NFYC: variants seen among roughly 807,000 people sequenced by gnomAD.
NFYC encodes CAAT box DNA-binding protein subunit C.
NFYC carries 25 observed loss-of-function variants against 53.1 expected under a neutral mutation model. The observed-to-expected ratio is 0.47, with a 90% CI of 0.34 to 0.66. The LOEUF is 0.66. Ranked by LOEUF, NFYC falls within the 30% of genes least tolerant of loss-of-function variation. NFYC has a pLI of 0.01. For missense variants in NFYC, 260 were observed against 422.7 expected, an observed-to-expected ratio of 0.62 and a Z score of 3.38; for synonymous variants, 145 against 152.6, an observed-to-expected ratio of 0.95 and a Z score of 0.37.
At chr1:40,707,908 T>A (rs1169975356) in intron 1 of NFYC, among the ~76,000 whole-genome samples, 1 of 151,358 alleles carries the variant, frequency 6.6e-6, no homozygotes, top group Non-Finnish European at 1.5e-5. Context: ...AATGTCAAAC[T>A]CTGTGACTGC....
At chr1:40,704,723 C>G (rs1304674201) in intron 1 of NFYC, among the ~76,000 whole-genome samples, 1 of 152,148 alleles carries the variant, frequency 6.6e-6, no homozygotes, top group Non-Finnish European at 1.5e-5. Context: ...TCTGGTACAT[C>G]CGAAGCAGAG....
At chr1:40,754,165 C>T (rs563922814) in intron 5 of NFYC, among the ~76,000 whole-genome samples, 1 of 152,180 alleles carries the variant, frequency 6.6e-6, no homozygotes, top group Non-Finnish European at 1.5e-5. Context: ...TCCTTAGAAG[C>T]AGTCATTCAG....
chr1:40,735,482 T>A (rs1390055633), intron 1 of NFYC: 2 of 597,070 alleles, frequency 3.3e-6, no homozygotes, highest in East Asian at 2.9e-4. Flanking sequence ...AGTTCAAAAT[T>A]TAAAAGCAGA....
At chr1:40,740,920 T>A (rs1052656725) in intron 2 of NFYC, among the ~76,000 whole-genome samples, 3 of 151,846 alleles carry the variant, frequency 2.0e-5, no homozygotes, top group African/African-American at 7.3e-5. Context: ...TTGTTGGACT[T>A]TGATTTTTTT....
chr1:40,760,486 C>T (rs967086646), intron 6 of NFYC, among the ~76,000 whole-genome samples: 13 of 152,114 alleles, frequency 8.5e-5, no homozygotes, highest in African/African-American at 2.4e-4. Flanking sequence ...TTTGGGAGGC[C>T]GAGGTGGGCG....
chr1:40,761,926 C>T (rs1411199275), intron 6 of NFYC, among the ~76,000 whole-genome samples: 2 of 151,958 alleles, frequency 1.3e-5, no homozygotes, highest in Non-Finnish European at 2.9e-5. Context: ...CCCACACCCC[C>T]GCCACCCCCC....
rs1646968446 is a variant in NFYC at position 40,769,222 on chromosome 1, A to T, written c.829-134A>T. On this transcript the variant is annotated intron_variant, in intron 8 of 9. Transcript: ENST00000447388. ...GATTAGGAGGGGTGCTTGCTTGCTT[A>T]CTACCCATTGAGCACCTGCTGGGCA... The T allele has an allele frequency of 1.0e-5, 8 of 803,428 alleles. No homozygotes were observed. In the Admixed American group the frequency reaches 1.4e-4, roughly 15 times the overall value. The allele number at this position is 803,428 out of a possible 1,614,324, so 49.8% of individuals were successfully genotyped here.
chr1:40,747,841 G>GT (rs1227259090), intron 3 of NFYC, among the ~76,000 whole-genome samples: 2,280 of 136,904 alleles, frequency 0.017, 23 homozygotes, highest in African/African-American at 0.031. Flanking sequence ...TTGATGTTGG[G>GT]TTTTTTTTTT....
Position 40,747,521 on chromosome 1 carries a change from T to C in NFYC, c.106-13T>C. The C allele has an allele frequency of 6.2e-7, 1 of 1,601,980 alleles. No homozygotes were observed. The highest frequency in any genetic ancestry group is 8.6e-7 in the Non-Finnish European group (1 of 1,169,148). ...GTCCCCACCATTTATGCATCTCTTG[T>C]TGTTCATTTCAGAAAGACTTCCGAG... On this transcript the variant is annotated splice_polypyrimidine_tract_variant and intron_variant, in intron 2 of 9. Transcript: ENST00000447388.
intron 5 of NFYC, chr1:40,757,862 A>G (rs923851199): frequency 9.0e-6 from 5 of 554,914 alleles, no homozygotes; most frequent in South Asian, 6.2e-5. Flanking sequence ...CCCGTTTGCA[A>G]CTTATCATGC....
chr1:40,726,125 G>GTGTT (rs1359673815), intron 1 of NFYC, among the ~76,000 whole-genome samples: 4 of 126,372 alleles, frequency 3.2e-5, no homozygotes, highest in African/African-American at 8.1e-5. Flanking sequence ...GTGTGTGTGT[G>GTGTT]TTTTTTTTTG....
At chr1:40,764,658 G>C (rs1209632308) in intron 7 of NFYC, among the ~76,000 whole-genome samples, 2 of 152,178 alleles carry the variant, frequency 1.3e-5, no homozygotes, top group Non-Finnish European at 2.9e-5. Flanking sequence ...TTCTGTAGGA[G>C]TCTTCATTTC....
chr1:40,709,956 GGTT>G (rs1643882634), intron 1 of NFYC, among the ~76,000 whole-genome samples: 1 of 152,174 alleles, frequency 6.6e-6, no homozygotes, highest in Non-Finnish European at 1.5e-5. Context: ...GAATAAGCTG[GGTT>G]GTTGTGAGAG....
intron 1 of NFYC, among the ~76,000 whole-genome samples, chr1:40,730,909 G>T (rs1403797345): frequency 2.0e-5 from 3 of 152,182 alleles, no homozygotes; most frequent in Non-Finnish European, 4.4e-5. Flanking sequence ...GAAGAAAAAA[G>T]AAACCAGTTC....
At chr1:40,753,573 T>C (rs920894950) in intron 5 of NFYC, among the ~76,000 whole-genome samples, 5 of 152,228 alleles carry the variant, frequency 3.3e-5, no homozygotes, top group African/African-American at 7.2e-5. Context: ...CAGAAAGTTA[T>C]AGATTTTAGA....
At chr1:40,737,927 G>T (rs928812243) in intron 1 of NFYC, among the ~76,000 whole-genome samples, 2 of 144,516 alleles carry the variant, frequency 1.4e-5, no homozygotes, top group Non-Finnish European at 3.0e-5. Context: ...TTTTGAGACG[G>T]AGTCTCGCTC....
chr1:40,756,780 A>G (rs956587041), intron 5 of NFYC, among the ~76,000 whole-genome samples: 6 of 152,344 alleles, frequency 3.9e-5, no homozygotes, highest in South Asian at 4.1e-4. Context: ...GCCTGTCTAA[A>G]TCCATTCATC....
intron 1 of NFYC, among the ~76,000 whole-genome samples, chr1:40,698,286 C>T (rs1241714764): frequency 6.6e-6 from 1 of 151,540 alleles, no homozygotes; most frequent in African/African-American, 2.4e-5. Flanking sequence ...TCGCTCGAAC[C>T]CAGAGGCGGA....
Position 40,770,660 on chromosome 1 carries a change from T to C in NFYC, c.889-49T>C. The C allele has an allele frequency of 1.2e-6, 2 of 1,614,070 alleles. No individual in the cohort carries two copies. ...AGCTCGAGACCCATAGGGAGCTGCATGCCCCTCTCCCAGGGATGACCTCAC... is the reference window on the plus strand; with the variant it reads ...AGCTCGAGACCCATAGGGAGCTGCACGCCCCTCTCCCAGGGATGACCTCAC... On this transcript the variant is annotated intron_variant, in intron 9 of 9. Transcript: ENST00000447388. This position sits in a 1 kb window ranked among gnomAD's most constrained non-coding sequence, Gnocchi z 5.3.
Sources: gnomAD v4.1 joint callset for allele counts (sites outside exome capture counted in the v4.1 genomes callset) on GRCh38, gnomAD v4.1.1 for gene constraint, Gnocchi (gnomAD v3.1) non-coding constraint, MANE v1.5 for transcripts, NCBI Gene and HGNC (gene_info 2026-07-23, HGNC 2026-07-21) for gene names.